FGF14: variants seen among roughly 807,000 people sequenced by gnomAD.
FGF14 encodes the protein fibroblast growth factor 14.
FGF14 carries 5 observed loss-of-function variants against 25.5 expected under a neutral mutation model. That is an observed-to-expected ratio of 0.20 (90% CI 0.10 to 0.41). The LOEUF (loss-of-function observed/expected upper bound fraction) is 0.41, where lower values mean the gene tolerates loss of function less well. Ranked by LOEUF, FGF14 falls within the 10% of genes least tolerant of loss-of-function variation. The probability of loss-of-function intolerance (pLI) is 1.00; values close to 1 mark genes in which losing one functional copy is unlikely to be tolerated. For missense variants in FGF14, 222 were observed against 320.1 expected, an observed-to-expected ratio of 0.69 and a Z score of 2.34; for synonymous variants, 138 against 118.3, an observed-to-expected ratio of 1.17 and a Z score of -1.08.
intron 3 of FGF14, among the ~76,000 whole-genome samples, chr13:101,858,427 G>T (rs993455305): frequency 1.3e-5 from 2 of 151,856 alleles, no homozygotes; most frequent in Non-Finnish European, 2.9e-5. Context: ...TGGCTTCCTT[G>T]GCATTTACGT....
At chr13:102,167,132 C>A (rs118183978) in intron 1 of FGF14, among the ~76,000 whole-genome samples, 8,113 of 151,914 alleles carry the variant, frequency 0.053, 266 homozygotes, top group Middle Eastern at 0.17. Flanking sequence ...GAAACCCAAT[C>A]TCTACTAAAA....
intron 1 of FGF14, among the ~76,000 whole-genome samples, chr13:102,024,367 AT>A (rs1228773286): frequency 6.6e-6 from 1 of 152,006 alleles, no homozygotes; most frequent in Non-Finnish European, 1.5e-5. Context: ...CATTTCCATA[AT>A]GACTAATGAT....
At chr13:102,006,574 C>CT (rs1267561964) in intron 1 of FGF14, among the ~76,000 whole-genome samples, 1 of 151,956 alleles carries the variant, frequency 6.6e-6, no homozygotes, top group Non-Finnish European at 1.5e-5. Context: ...AAGGTAACTC[C>CT]TTTTTTGTTC....
At chr13:101,959,768 T>C (rs1477043702) in intron 1 of FGF14, among the ~76,000 whole-genome samples, 2 of 152,256 alleles carry the variant, frequency 1.3e-5, no homozygotes, top group African/African-American at 4.8e-5. Context: ...GTGATTTGTA[T>C]TCTTCTTTAC....
At chr13:102,060,598 C>T (rs939908543) in intron 1 of FGF14, among the ~76,000 whole-genome samples, 6 of 152,172 alleles carry the variant, frequency 3.9e-5, no homozygotes, top group Non-Finnish European at 7.3e-5. Flanking sequence ...TGATAGCTAT[C>T]CTCAATGTTT....
chr13:102,188,285 A>G (rs922140008), intron 1 of FGF14, among the ~76,000 whole-genome samples: 1 of 152,222 alleles, frequency 6.6e-6, no homozygotes, highest in Non-Finnish European at 1.5e-5. Flanking sequence ...AGACTGGGAA[A>G]AAAACAATTT....
At chr13:101,798,352 C>T (rs2040677932) in intron 3 of FGF14, among the ~76,000 whole-genome samples, 1 of 152,064 alleles carries the variant, frequency 6.6e-6, no homozygotes, top group Non-Finnish European at 1.5e-5. Context: ...TGATGTGTGT[C>T]CTAGAAAACT....
intron 1 of FGF14, among the ~76,000 whole-genome samples, chr13:102,328,677 G>C (rs1486113145): frequency 6.6e-6 from 1 of 152,228 alleles, no homozygotes; most frequent in African/African-American, 2.4e-5. Flanking sequence ...CAATAACGTA[G>C]AGTGGTAAAG....
At chr13:101,966,520 T>C (rs550954582) in intron 1 of FGF14, among the ~76,000 whole-genome samples, 28 of 152,242 alleles carry the variant, frequency 1.8e-4, no homozygotes, top group Non-Finnish European at 3.2e-4. Flanking sequence ...TCTCGCTCTG[T>C]CGCCCAGGCT....
At chr13:101,783,120 A>G (rs2039607073) in intron 3 of FGF14, among the ~76,000 whole-genome samples, 1 of 152,108 alleles carries the variant, frequency 6.6e-6, no homozygotes, top group Admixed American at 6.5e-5. Flanking sequence ...CATTTCTCTA[A>G]TGATCAGTGA....
At chr13:102,096,979 C>T (rs2044432015) in intron 1 of FGF14, among the ~76,000 whole-genome samples, 1 of 151,910 alleles carries the variant, frequency 6.6e-6, no homozygotes, top group Non-Finnish European at 1.5e-5. Flanking sequence ...CATATAAATT[C>T]CCATACTTGC....
chr13:102,152,498 T>C (rs1454411573), intron 1 of FGF14, among the ~76,000 whole-genome samples: 1 of 152,208 alleles, frequency 6.6e-6, no homozygotes, highest in East Asian at 1.9e-4. Context: ...CAAGTCAGAT[T>C]GGATTAAAGC....
rs1397359077 is a variant in FGF14, at chr13:101,720,078, AAT to A, written c.*2751_*2752del. 6.6e-6 allele frequency: 1 copy of A among 152,126 alleles called. No individual in the cohort carries two copies. The highest frequency in any genetic ancestry group is 1.9e-4 in the East Asian group (1 of 5,178). 9.4% of individuals were successfully genotyped at this position (152,126 alleles called of 1,614,324 possible). On this transcript the variant is annotated 3_prime_UTR_variant, in exon 5 of 5. Coordinates refer to ENST00000376143, the MANE Select transcript of FGF14 (RefSeq NM_004115.4). ...ATGCCTTCATATAAATATTTTATTCAATATGTTGTATTTGTGAATTTAACAAA... is the reference window on the plus strand; with the variant it reads ...ATGCCTTCATATAAATATTTTATTCAATGTTGTATTTGTGAATTTAACAAA...
intron 3 of FGF14, among the ~76,000 whole-genome samples, chr13:101,775,357 T>C (rs1292613607): frequency 6.6e-6 from 1 of 152,174 alleles, no homozygotes; most frequent in Admixed American, 6.5e-5. Flanking sequence ...TTGTCTTCTC[T>C]GCTAGAAAAA....
At chr13:102,215,310 C>T (rs2050325710) in intron 1 of FGF14, among the ~76,000 whole-genome samples, 1 of 152,178 alleles carries the variant, frequency 6.6e-6, no homozygotes, top group Non-Finnish European at 1.5e-5. Context: ...GTTAGAATAA[C>T]TGATAACATA....
chr13:102,343,135 G>C (rs998094310), intron 1 of FGF14, among the ~76,000 whole-genome samples: 5 of 152,134 alleles, frequency 3.3e-5, no homozygotes, highest in Admixed American at 3.3e-4. Flanking sequence ...TTGTCATGCA[G>C]GGCCTATCCA....
chr13:102,339,057 A>G (rs1265177636), intron 1 of FGF14, among the ~76,000 whole-genome samples: 2 of 151,794 alleles, frequency 1.3e-5, no homozygotes, highest in East Asian at 3.9e-4. Flanking sequence ...GAAAATAAAA[A>G]TATAAATATG....
chr13:102,139,087 T>G (rs986903264), intron 1 of FGF14, among the ~76,000 whole-genome samples: 2 of 152,226 alleles, frequency 1.3e-5, no homozygotes, highest in Admixed American at 1.3e-4. Flanking sequence ...CCCTGTGGTC[T>G]TTTTTGAAGG....
At chr13:102,340,030 T>C (rs2138894423) in intron 1 of FGF14, among the ~76,000 whole-genome samples, 1 of 152,304 alleles carries the variant, frequency 6.6e-6, no homozygotes, top group Non-Finnish European at 1.5e-5. Flanking sequence ...GGATAAGAGA[T>C]TAACAGAATT....
Sources: allele counts gnomAD v4.1 joint callset (sites outside exome capture counted in the v4.1 genomes callset), GRCh38; gene constraint gnomAD v4.1.1; transcripts MANE v1.5; gene names NCBI Gene and HGNC (gene_info 2026-07-23, HGNC 2026-07-21).